EYA2: variants seen among roughly 807,000 people sequenced by gnomAD.
EYA2 encodes the protein protein phosphatase EYA2.
A neutral mutation model predicts 69.2 loss-of-function variants in EYA2; 31 were observed. The ratio of observed to expected loss-of-function variants is 0.45; its 90% confidence interval spans 0.34 to 0.60. The LOEUF (loss-of-function observed/expected upper bound fraction) is 0.60, where lower values mean the gene tolerates loss of function less well. Ranked by LOEUF, EYA2 falls within the 20% of genes least tolerant of loss-of-function variation. The pLI, the probability that EYA2 is intolerant of heterozygous loss-of-function variation, is 0.02. For synonymous variants in EYA2, 257 were observed against 279.4 expected (o/e 0.92, Z 0.80); for missense variants, 622 against 701.2 (o/e 0.89, Z 1.28).
At chr20:47,178,335 C>CAA (rs11482454) in intron 12 of EYA2, among the ~76,000 whole-genome samples, 5,410 of 122,292 alleles carry the variant, frequency 0.044, 311 homozygotes, top group African/African-American at 0.12. Flanking sequence ...GATCTTGTCT[C>CAA]AAAAAAAAAA....
chr20:47,034,080 T>G (rs1984563841), intron 5 of EYA2, among the ~76,000 whole-genome samples: 1 of 152,244 alleles, frequency 6.6e-6, no homozygotes, highest in African/African-American at 2.4e-5. Flanking sequence ...TCAATGTGTC[T>G]CTAATCCCTG....
chr20:47,134,095 A>G (rs1414126369), intron 9 of EYA2, among the ~76,000 whole-genome samples: 1 of 152,252 alleles, frequency 6.6e-6, no homozygotes, highest in Non-Finnish European at 1.5e-5. Context: ...TTTCCTGCAC[A>G]GCCAGCCTCT....
At chr20:47,117,383 A>G in intron 9 of EYA2, 1 of 985,400 alleles carries the variant, frequency 1.0e-6, no homozygotes, top group Non-Finnish European at 1.2e-6. Context: ...GGAGCCCCGA[A>G]TTCACCTGGT....
At chr20:46,910,122 A>G (rs974117998) in intron 1 of EYA2, among the ~76,000 whole-genome samples, 6 of 152,144 alleles carry the variant, frequency 3.9e-5, no homozygotes, top group Admixed American at 3.3e-4. Flanking sequence ...AGACTGGGTA[A>G]TTTGCAAAGA....
At chr20:46,938,794 G>A (rs1409137986) in intron 1 of EYA2, among the ~76,000 whole-genome samples, 1 of 151,980 alleles carries the variant, frequency 6.6e-6, no homozygotes, top group Non-Finnish European at 1.5e-5. Context: ...GTGTGGGAGG[G>A]GACTACACGG....
intron 10 of EYA2, among the ~76,000 whole-genome samples, chr20:47,163,122 T>A (rs1348428608): frequency 1.3e-5 from 2 of 151,838 alleles, no homozygotes; most frequent in Admixed American, 6.6e-5. Flanking sequence ...CTCCACCTCC[T>A]GGGCTCAAGC....
intron 12 of EYA2, 137 bp from the exon 13 acceptor site, chr20:47,179,661 G>T: frequency 1.7e-6 from 1 of 598,532 alleles, no homozygotes; most frequent in Non-Finnish European, 3.0e-6. Flanking sequence ...ATTGAGAGAA[G>T]CCACTGGATT....
intron 5 of EYA2, among the ~76,000 whole-genome samples, chr20:47,028,324 AGACAGTAGGTTTT>A (rs1158361589): frequency 6.6e-6 from 1 of 152,266 alleles, no homozygotes; most frequent in Non-Finnish European, 1.5e-5. Context: ...GCCTGCACTA[AGACAGTAGGTTTT>A]TCCTAGACAT....
chr20:46,992,028 T>C (rs1981706875), intron 2 of EYA2, among the ~76,000 whole-genome samples: 2 of 147,090 alleles, frequency 1.4e-5, no homozygotes, highest in African/African-American at 2.5e-5. Flanking sequence ...CATTCCCCGC[T>C]GGCTGCCACC....
At chr20:47,063,008 A>G (rs1301513890) in intron 5 of EYA2, among the ~76,000 whole-genome samples, 1 of 152,162 alleles carries the variant, frequency 6.6e-6, no homozygotes, top group Non-Finnish European at 1.5e-5. Flanking sequence ...GAGACAGGCC[A>G]TGGGGGCAGT....
chr20:47,079,761 A>G (rs1438334992), intron 7 of EYA2, among the ~76,000 whole-genome samples: 2 of 152,178 alleles, frequency 1.3e-5, no homozygotes, highest in African/African-American at 4.8e-5. Context: ...TATTTGTGCT[A>G]CTATGGGTTT....
intron 1 of EYA2, among the ~76,000 whole-genome samples, chr20:46,969,336 G>A (rs891881012): frequency 6.6e-6 from 1 of 152,096 alleles, no homozygotes; most frequent in African/African-American, 2.4e-5. Context: ...TCCTGCCTCA[G>A]CCTCCCAAAG....
intron 7 of EYA2, 39 bp downstream of exon 7, chr20:47,074,374 T>C (rs1600688958): frequency 1.3e-6 from 2 of 1,597,432 alleles, no homozygotes; most frequent in African/African-American, 2.7e-5. Context: ...ATGGCTGTGG[T>C]CTGAGAGCTT....
At chr20:47,181,159 G>A (rs1222934384) in intron 14 of EYA2, among the ~76,000 whole-genome samples, 1 of 152,192 alleles carries the variant, frequency 6.6e-6, no homozygotes, top group Non-Finnish European at 1.5e-5. Flanking sequence ...GTCTGTATGA[G>A]TTCAGATACA....
chr20:46,917,291 T>C (rs1490606434), intron 1 of EYA2, among the ~76,000 whole-genome samples: 1 of 152,218 alleles, frequency 6.6e-6, no homozygotes, highest in African/African-American at 2.4e-5. Context: ...GCTCAGGAAA[T>C]AGCAGCGAAT....
chr20:46,929,935 T>C (rs760708781), intron 1 of EYA2, among the ~76,000 whole-genome samples: 3 of 152,248 alleles, frequency 2.0e-5, no homozygotes, highest in Non-Finnish European at 4.4e-5. Context: ...AAATGACCCC[T>C]CTGTAAAAGC....
intron 9 of EYA2, among the ~76,000 whole-genome samples, chr20:47,138,688 G>A (rs533490153): frequency 4.5e-4 from 69 of 151,888 alleles, no homozygotes; most frequent in African/African-American, 1.3e-3. Flanking sequence ...CTGGGAGGTC[G>A]AGGCTGCAGT....
intron 1 of EYA2, among the ~76,000 whole-genome samples, chr20:46,944,406 G>C (rs1978338975): frequency 1.3e-5 from 2 of 152,162 alleles, no homozygotes; most frequent in Admixed American, 1.3e-4. Flanking sequence ...CTGGGCAGTG[G>C]GAATAAAGGG....
At chr20:46,978,165 C>T (rs1761816711) in intron 1 of EYA2, 1 of 160,986 alleles carries the variant, frequency 6.2e-6, no homozygotes, top group Non-Finnish European at 1.4e-5. Flanking sequence ...TGACCACCAC[C>T]CTGGAGCCAA....
Sources: allele counts gnomAD v4.1 joint callset (sites outside exome capture counted in the v4.1 genomes callset), GRCh38; gene constraint gnomAD v4.1.1; transcripts MANE v1.5; gene names NCBI Gene and HGNC (gene_info 2026-07-23, HGNC 2026-07-21).